The following AP2A2 variants were observed in gnomAD, a reference collection of about 807,000 sequenced individuals.
The protein encoded by AP2A2 is AP-2 complex subunit alpha-2.
Under a neutral mutation model 104.2 loss-of-function variants are expected in AP2A2, and 32 were observed. The ratio of observed to expected loss-of-function variants is 0.31; its 90% CI spans 0.23 to 0.41. The LOEUF (loss-of-function observed/expected upper bound fraction) is 0.41, where lower values mean the gene tolerates loss of function less well. AP2A2 is among the 10% of genes least tolerant of loss of function. The pLI is 1.00. For missense variants in AP2A2, 912 were observed against 1,261.0 expected, an observed-to-expected ratio of 0.72 and a Z score of 4.19; for synonymous variants, 539 against 533.3, an observed-to-expected ratio of 1.01 and a Z score of -0.15.
rs1207215366 is a variant in AP2A2, at chr11:1,000,502, C to T, written c.2027C>T (p.Pro676Leu). ...CCCCCTGCCCCCGCGGGCCCCCCAC[C>T]CTCCTCCGGCGGCAGCGGGCTGCTC... Reference protein sequence around the residue: ...AAPPAPAGPPPSSGGSGLLVD... With the variant: ...AAPPAPAGPPLSSGGSGLLVD... Residue 676 changes from proline (P) to leucine (L), a missense_variant, in exon 15 of 22, where the codon CCC (proline) becomes CTC (leucine). Pro to Leu is a moderately conservative substitution (Grantham distance 98, BLOSUM62 -3). Coordinates refer to ENST00000448903, the MANE Select transcript of AP2A2 (RefSeq NM_012305.4). 3.9e-6 allele frequency: 6 copies of T among 1,540,324 alleles called. No individual in the cohort carries two copies. Among genetic ancestry groups the T allele is most frequent in the Non-Finnish European group, 5.2e-6 (6 of 1,147,608 alleles).
intron 10 of AP2A2, among the ~76,000 whole-genome samples, chr11:989,517 C>T (rs1196601380): frequency 6.6e-6 from 1 of 152,200 alleles, no homozygotes; most frequent in East Asian, 1.9e-4. Flanking sequence ...TTGAATTAAT[C>T]CTTTGTGGCT....
chr11:955,008 C>G (rs1478316046), intron 1 of AP2A2, among the ~76,000 whole-genome samples: 1 of 152,178 alleles, frequency 6.6e-6, no homozygotes, highest in Non-Finnish European at 1.5e-5. Flanking sequence ...TTTAGTATTT[C>G]TGCTTTAGAT....
In AP2A2 at chr11:968,142, G is replaced by A. The variant is rs1340362361; in HGVS notation, c.137-2027G>A. The stretch of plus-strand genomic sequence containing the variant: ...GCCAGGAATCCACGTGCTGCCACAT[G>A]AGCAGCGGGCCGAGCACTGTGGCTT... On this transcript the variant is annotated intron_variant, in intron 2 of 21. Coordinates refer to ENST00000448903, the MANE Select transcript of AP2A2 (RefSeq NM_012305.4). This position sits in a 1 kb window ranked among gnomAD's most constrained non-coding sequence, Gnocchi z 4.2. 1.3e-5 allele frequency among the ~76,000 whole-genome samples: 2 copies of A among 152,078 alleles called. No homozygotes were observed. Among genetic ancestry groups the A allele is most frequent in the African/African-American group, 4.8e-5 (2 of 41,416 alleles).
chr11:986,874 G>GCGCTACCTGGCC lies in AP2A2; in HGVS notation c.1053_1054insGCTACCTGGCCC (p.Ser351_Met352insAlaThrTrpPro). ...AACCTGCGCTACCTGGCCCTGGAGAGCATGTGCACGCTGGCCAGCTCTGAG... is the reference window on the plus strand; with the variant it reads ...AACCTGCGCTACCTGGCCCTGGAGAGCGCTACCTGGCCCATGTGCACGCTGGCCAGCTCTGAG... On this transcript the variant is annotated inframe_insertion, in exon 9 of 22. Coordinates refer to ENST00000448903, the MANE Select transcript of AP2A2 (RefSeq NM_012305.4). 6.2e-7 allele frequency: 1 copy of GCGCTACCTGGCC among 1,609,832 alleles called. No homozygotes were observed. The highest frequency in any genetic ancestry group is 8.5e-7 in the Non-Finnish European group (1 of 1,178,488).
At position 992,359 on chromosome 11, in the gene AP2A2, C is replaced by T. The variant is rs576684076; in HGVS notation, c.1270-144C>T. On this transcript the variant is annotated intron_variant, in intron 10 of 21. Coordinates refer to ENST00000448903, the MANE Select transcript of AP2A2 (RefSeq NM_012305.4). This position sits in a 1 kb window ranked among gnomAD's most constrained non-coding sequence, Gnocchi z 6.4. ...TGGGCTCGTGGGCTTTTTTGAGAAT[C>T]GAGTTCAAGCTTCCTCCATGTCCCA... is the stretch of plus-strand genomic sequence containing the variant. The T allele has an allele frequency of 1.3e-5, 10 of 799,946 alleles. No individual in the cohort carries two copies. Among genetic ancestry groups the T allele is most frequent in the Admixed American group, 4.6e-5 (2 of 43,688 alleles). The allele number at this position is 799,946 out of a possible 1,614,324, so 49.6% of individuals were successfully genotyped here.
intron 1 of AP2A2, among the ~76,000 whole-genome samples, chr11:957,433 C>G (rs1252818580): frequency 6.6e-6 from 1 of 152,198 alleles, no homozygotes; most frequent in Non-Finnish European, 1.5e-5. Flanking sequence ...GTGCGGCGTT[C>G]CTTCCCCCGG....
chr11:959,301 G>A, intron 1 of AP2A2, 136 bp from the exon 2 acceptor site: 1 of 664,472 alleles, frequency 1.5e-6, no homozygotes, highest in Non-Finnish European at 2.7e-6. Flanking sequence ...GGAGGCAGGT[G>A]TCTGCTTCGG....
At chr11:995,547 G>A (rs942439756) in intron 14 of AP2A2, among the ~76,000 whole-genome samples, 1 of 151,896 alleles carries the variant, frequency 6.6e-6, no homozygotes, top group East Asian at 2.0e-4. Flanking sequence ...GAGCTCCTGT[G>A]GTGGTGCCTG....
chr11:993,483 G>A lies in AP2A2; in HGVS notation c.1550+102G>A, dbSNP rs529764428. 1.3e-4 allele frequency: 116 copies of A among 875,254 alleles called. No individual in the cohort carries two copies. Among genetic ancestry groups the A allele is most frequent in the Middle Eastern group, 7.7e-4 (3 of 3,878 alleles). 54.2% of individuals were successfully genotyped at this position (875,254 alleles called of 1,614,324 possible). On this transcript the variant is annotated intron_variant, in intron 12 of 21. Transcript: ENST00000448903. The surrounding 1 kb of genome is among the most constrained non-coding windows in gnomAD (Gnocchi z 8.2). The stretch of plus-strand genomic sequence containing the variant: ...CCAGCTGGCCCTGCCGTGAGGCCTC[G>A]CAGAGCCGCTTCTGCTCCCCATCGG...
At chr11:1,003,955 T>C (rs1053440333) in intron 16 of AP2A2, among the ~76,000 whole-genome samples, 151 bp downstream of exon 16, 2 of 147,836 alleles carry the variant, frequency 1.4e-5, no homozygotes, top group Non-Finnish European at 3.0e-5. Flanking sequence ...AATTAAAAAA[T>C]GGGCAAAAGA....
chr11:972,523 C>T (rs982573812), intron 4 of AP2A2, among the ~76,000 whole-genome samples: 6 of 152,090 alleles, frequency 3.9e-5, no homozygotes, highest in Admixed American at 1.3e-4. Flanking sequence ...AGGGAGATCC[C>T]ATCTCTACAA....
chr11:1,007,922 C>T (rs968887138), intron 17 of AP2A2, 90 bp from the exon 18 acceptor site: 23 of 1,536,632 alleles, frequency 1.5e-5, no homozygotes, highest in African/African-American at 5.5e-5. Flanking sequence ...TGAGTGTGCT[C>T]GCCTCCACGG....
chr11:1,009,154 A>G lies in AP2A2; in HGVS notation c.2475A>G (p.Lys825=). The change falls in exon 19 of 22, where the codon AAA becomes AAG. Residue 825 remains lysine, a synonymous_variant. Transcript: ENST00000448903. ...TGCAGCTGCCCATCACTCTCAACAA[A>G]TTCTTCCAGCCGACAGAAATGGCTT... The part of the protein sequence containing the change: ...VSVQLPITLN[K]FFQPTEMASQ... 6.2e-7 allele frequency: 1 copy of G among 1,613,620 alleles called. No individual in the cohort carries two copies. Among genetic ancestry groups the G allele is most frequent in the Non-Finnish European group, 8.5e-7 (1 of 1,179,870 alleles).
chr11:1,005,588 C>T (rs957178179), intron 16 of AP2A2, among the ~76,000 whole-genome samples: 5 of 152,200 alleles, frequency 3.3e-5, no homozygotes, highest in African/African-American at 4.8e-5. Context: ...GCCCTGGCTG[C>T]GGACCTGCCT....
Position 978,612 on chromosome 11 carries a change from T to C in AP2A2, c.603+1388T>C, listed in dbSNP as rs143695199. Among the ~76,000 whole-genome samples the C allele has an allele frequency of 4.3e-4, 66 of 152,314 alleles. 1 individual carries two copies. In the East Asian group the frequency reaches 0.012, roughly 29 times the overall value. On this transcript the variant is annotated intron_variant, in intron 5 of 21. Transcript: ENST00000448903. ...GCTCCCTGCTGCCCAGTACTTTCCC[T>C]CCTTAGCTCTCCCAGCTTGCGCACC...
intron 1 of AP2A2, among the ~76,000 whole-genome samples, chr11:947,930 TG>T (rs1432853829): frequency 1.3e-5 from 2 of 152,174 alleles, no homozygotes; most frequent in Admixed American, 6.5e-5. Flanking sequence ...CACTTCAGCC[TG>T]GGTGACAAAG....
chr11:955,263 G>A (rs936608355), intron 1 of AP2A2, among the ~76,000 whole-genome samples: 1 of 152,184 alleles, frequency 6.6e-6, no homozygotes, highest in Non-Finnish European at 1.5e-5. Context: ...TCACCCATGC[G>A]CAGTCCCAGC....
intron 2 of AP2A2, among the ~76,000 whole-genome samples, chr11:969,792 T>C (rs188980543): frequency 6.6e-6 from 1 of 152,262 alleles, no homozygotes; most frequent in East Asian, 1.9e-4. Context: ...ACAAGCTTGA[T>C]GGTTGAAGGC....
intron 10 of AP2A2, among the ~76,000 whole-genome samples, chr11:990,163 G>C (rs975905041): frequency 2.6e-5 from 4 of 152,220 alleles, no homozygotes; most frequent in Non-Finnish European, 5.9e-5. Flanking sequence ...GAGAGCAGGG[G>C]CCAGGAGGCG....
Sources: gnomAD v4.1 joint callset for allele counts (sites outside exome capture counted in the v4.1 genomes callset) on GRCh38, gnomAD v4.1.1 for gene constraint, Gnocchi (gnomAD v3.1) non-coding constraint, MANE v1.5 for transcripts, NCBI Gene and HGNC (gene_info 2026-07-23, HGNC 2026-07-21) for gene names.